RRBP1: variants seen among roughly 807,000 people sequenced by gnomAD.
RRBP1 encodes ribosome-binding protein 1.
A neutral mutation model predicts 165.2 loss-of-function variants in RRBP1; 94 were observed. The ratio of observed to expected loss-of-function variants is 0.57; its 90% CI spans 0.48 to 0.68. RRBP1 has a LOEUF of 0.68. Ranked by LOEUF, RRBP1 falls within the 30% of genes least tolerant of loss-of-function variation. RRBP1 has a pLI of 0.00. For missense variants in RRBP1, 1,676 were observed against 1,763.0 expected (o/e 0.95, Z 0.88); for synonymous variants, 680 against 714.5 (o/e 0.95, Z 0.77).
intron 2 of RRBP1, among the ~76,000 whole-genome samples, chr20:17,669,599 C>A: frequency 6.6e-6 from 1 of 152,276 alleles, no homozygotes; most frequent in South Asian, 2.1e-4. Context: ...CTAATGTATA[C>A]CATTATAAGG....
intron 13 of RRBP1, chr20:17,623,344 C>G (rs970569379): frequency 1.3e-5 from 2 of 152,304 alleles, no homozygotes; most frequent in Non-Finnish European, 2.9e-5. Flanking sequence ...GCCATTGGGG[C>G]AGATATTCCT....
intron 19 of RRBP1, 186 bp downstream of exon 19, chr20:17,619,447 C>T (rs1477246554): frequency 4.1e-6 from 2 of 486,642 alleles, no homozygotes; most frequent in Non-Finnish European, 7.2e-6. Flanking sequence ...TTGAAACCTG[C>T]CCTGAGAGAC....
intron 3 of RRBP1, among the ~76,000 whole-genome samples, chr20:17,646,862 G>T (rs80339226): frequency 0.011 from 1,731 of 151,578 alleles, 73 homozygotes; most frequent in East Asian, 0.074. Flanking sequence ...CTCAGGCATA[G>T]AAGGAGGATC....
At chr20:17,632,547 G>A (rs1007189130) in intron 8 of RRBP1, among the ~76,000 whole-genome samples, 2 of 152,146 alleles carry the variant, frequency 1.3e-5, no homozygotes, top group African/African-American at 4.8e-5. Flanking sequence ...CCTTGCACAC[G>A]CTCAAACATC....
In RRBP1 at chr20:17,615,462, G is replaced by A. The variant is rs1399317665; in HGVS notation, c.4019C>T (p.Ser1340Phe). The A allele has an allele frequency of 3.1e-6, 5 of 1,609,542 alleles. No homozygotes were observed. Among genetic ancestry groups the A allele is most frequent in the African/African-American group, 2.7e-5 (2 of 74,712 alleles). The change falls in exon 23 of 25, where the codon TCT becomes TTT. Residue 1340 changes from serine to phenylalanine, a missense_variant. By Grantham distance (155) the Ser-to-Phe change is radical. Coordinates refer to ENST00000377813, the MANE Select transcript of RRBP1 (RefSeq NM_001365613.2). ...CTGTGAGGCCTCCTCTGTTTCTGAA[G>A]ACTCTAGGGGGCCGGCTGTGCGGAG... ...EKLRTAGPLE[S>F]SETEEASQLK...
chr20:17,640,856 T>C (rs1330370003), intron 5 of RRBP1, among the ~76,000 whole-genome samples: 2 of 152,204 alleles, frequency 1.3e-5, no homozygotes, highest in African/African-American at 4.8e-5. Flanking sequence ...TTACTTCCAA[T>C]TCTTTGTGCT....
At chr20:17,615,030 C>A (rs955582820) in intron 23 of RRBP1, 150 bp from the exon 24 acceptor site, 52 of 883,546 alleles carry the variant, frequency 5.9e-5, no homozygotes, top group Admixed American at 1.2e-4. Context: ...GTGGTGACGA[C>A]AGGGAGGAAA....
Position 17,615,967 on chromosome 20 carries a change from CA to C in RRBP1, c.3909del (p.Asp1303GlufsTer36). ...GTGAGCTTCTGCCGCTGTGTCTGCT[CA>C]TCCTCCAGGATGGCTTCTGTCCACT... ...QLEWTEAILE[D>X]EQTQRQKLTA... On this transcript the variant is annotated frameshift_variant, in exon 22 of 25. Coordinates refer to ENST00000377813, the MANE Select transcript of RRBP1 (RefSeq NM_001365613.2). LOFTEE classifies it high-confidence loss of function. 2 of 1,609,666 alleles carry C rather than the reference CA, an allele frequency of 1.2e-6. No homozygotes were observed. Among genetic ancestry groups the C allele is most frequent in the Non-Finnish European group, 1.7e-6 (2 of 1,179,940 alleles).
intron 2 of RRBP1, among the ~76,000 whole-genome samples, chr20:17,663,983 A>C (rs1906569572): frequency 6.6e-6 from 1 of 152,176 alleles, no homozygotes; most frequent in South Asian, 2.1e-4. Flanking sequence ...CAACACCCCC[A>C]GTGGGTCTGA....
At chr20:17,647,321 A>G (rs1032228049) in intron 3 of RRBP1, among the ~76,000 whole-genome samples, 14 of 152,230 alleles carry the variant, frequency 9.2e-5, no homozygotes, top group Non-Finnish European at 1.0e-4. Flanking sequence ...AATGCCGAGA[A>G]AGGCTTTAAG....
chr20:17,614,337 G>C (rs1205050967), intron 24 of RRBP1, 117 bp from the exon 25 acceptor site: 1 of 953,614 alleles, frequency 1.0e-6, no homozygotes, highest in Non-Finnish European at 1.6e-6. Context: ...AGCCACTCCA[G>C]TCCCTCAGAG....
At chr20:17,637,589 G>A (rs1330184218) in intron 5 of RRBP1, among the ~76,000 whole-genome samples, 1 of 152,176 alleles carries the variant, frequency 6.6e-6, no homozygotes, top group East Asian at 1.9e-4. Flanking sequence ...ATGGGCAGTG[G>A]GCCAGGAGTG....
chr20:17,677,859 A>G (rs752608818), intron 2 of RRBP1, among the ~76,000 whole-genome samples: 9 of 152,228 alleles, frequency 5.9e-5, no homozygotes, highest in Non-Finnish European at 1.3e-4. Context: ...GAGAAAAAAG[A>G]AAAAGAAAAA....
intron 4 of RRBP1, among the ~76,000 whole-genome samples, chr20:17,642,140 C>T (rs993283896): frequency 7.9e-5 from 12 of 152,250 alleles, no homozygotes; most frequent in Non-Finnish European, 1.5e-4. Flanking sequence ...ACTGTCAAGG[C>T]CAAAGGCTTT....
chr20:17,635,586 G>C lies in RRBP1; in HGVS notation c.2416C>G (p.Arg806Gly). Residue 806 changes from arginine to glycine, a missense_variant, in exon 7 of 25, where the codon CGG becomes GGG. Transcript: ENST00000377813. ...ARLQQENSIL[R>G]DALNQATSQV... ...CTCGTGGCCTGGTTCAAGGCATCCC[G>C]CAGGATGGAGTTCTCCTGCTGCAGG... 2 of 1,612,770 alleles carry C rather than the reference G, an allele frequency of 1.2e-6. No individual in the cohort carries two copies. The highest frequency in any genetic ancestry group is 1.7e-6 in the Non-Finnish European group (2 of 1,179,610).
At position 17,660,363 on chromosome 20, in the gene RRBP1, T is replaced by C; in HGVS notation, c.145A>G (p.Met49Val). The part of the protein sequence containing the change: ...EEALANQRKE[M>V]AKTHHQKVEK... ...ACTTTCTGGTGGTGAGTTTTCGCCATCTCCTTGCGCTGGTTGGCTAGGGCT... is the reference window on the plus strand; with the variant it reads ...ACTTTCTGGTGGTGAGTTTTCGCCACCTCCTTGCGCTGGTTGGCTAGGGCT... Residue 49 changes from methionine (M) to valine (V), a missense_variant, in exon 3 of 25, where the codon ATG becomes GTG. Physicochemically the swap from Met to Val is conservative, Grantham distance 21. Coordinates refer to ENST00000377813, the MANE Select transcript of RRBP1 (RefSeq NM_001365613.2). 1 of 1,614,162 alleles carries C rather than the reference T, an allele frequency of 6.2e-7. No homozygotes were observed. The highest frequency in any genetic ancestry group is 2.2e-5 in the East Asian group (1 of 44,876).
At chr20:17,673,189 G>A (rs1192186984) in intron 2 of RRBP1, among the ~76,000 whole-genome samples, 1 of 152,192 alleles carries the variant, frequency 6.6e-6, no homozygotes, top group African/African-American at 2.4e-5. Flanking sequence ...TCCTGGAGGA[G>A]GAGCATCTTT....
chr20:17,646,355 G>A (rs2036462178), intron 3 of RRBP1, among the ~76,000 whole-genome samples: 1 of 152,218 alleles, frequency 6.6e-6, no homozygotes, highest in South Asian at 2.1e-4. Context: ...ACATCCGTGG[G>A]CCACGTCCAG....
At chr20:17,650,860 G>T (rs879340437) in intron 3 of RRBP1, among the ~76,000 whole-genome samples, 1 of 152,154 alleles carries the variant, frequency 6.6e-6, no homozygotes. Flanking sequence ...GCATAATCCT[G>T]CAAACAAAGA....
Sources: gnomAD v4.1 joint callset for allele counts (sites outside exome capture counted in the v4.1 genomes callset) on GRCh38, gnomAD v4.1.1 for gene constraint, MANE v1.5 for transcripts, NCBI Gene and HGNC (gene_info 2026-07-23, HGNC 2026-07-21) for gene names.